ERBIN: variants seen among roughly 807,000 people sequenced by gnomAD.
The protein encoded by ERBIN is erbb2 interacting protein.
In ERBIN, 60 loss-of-function variants were observed where a neutral mutation model predicts 158.4. The ratio of observed to expected loss-of-function variants is 0.38; its 90% CI spans 0.31 to 0.47. ERBIN has a LOEUF of 0.47. ERBIN is among the 20% of genes least tolerant of loss of function. ERBIN has a pLI of 0.99. For missense variants in ERBIN, 1,610 were observed against 1,648.0 expected, an observed-to-expected ratio of 0.98 and a Z score of 0.40; for synonymous variants, 594 against 557.2, an observed-to-expected ratio of 1.07 and a Z score of -0.93.
At chr5:65,948,315 CA>C (rs1746052404) in intron 1 of ERBIN, among the ~76,000 whole-genome samples, 1 of 151,686 alleles carries the variant, frequency 6.6e-6, no homozygotes, top group African/African-American at 2.4e-5. Flanking sequence ...GCTGGGACTA[CA>C]AGTGCGGGCT....
intron 1 of ERBIN, among the ~76,000 whole-genome samples, chr5:65,955,300 T>C (rs1388747129): frequency 6.6e-6 from 1 of 152,180 alleles, no homozygotes; most frequent in Non-Finnish European, 1.5e-5. Context: ...TTGGCATTGC[T>C]TCTCAATTGC....
intron 13 of ERBIN, among the ~76,000 whole-genome samples, 160 bp downstream of exon 13, chr5:66,026,577 C>A (rs1165186797): frequency 6.6e-6 from 1 of 151,826 alleles, no homozygotes; most frequent in African/African-American, 2.4e-5. Flanking sequence ...GTGTGACTTT[C>A]AGTGAAACAA....
At chr5:65,999,319 T>C (rs990904585) in intron 4 of ERBIN, among the ~76,000 whole-genome samples, 1 of 152,188 alleles carries the variant, frequency 6.6e-6, no homozygotes. Flanking sequence ...TGAGCCGAGA[T>C]TGTGCCATTG....
chr5:66,055,202 T>C, intron 21 of ERBIN: 2 of 864,986 alleles, frequency 2.3e-6, no homozygotes, highest in Non-Finnish European at 3.0e-6. Context: ...TATGTGTCTG[T>C]CTCTTTGAGA....
chr5:65,991,323 A>AT (rs1751846261), intron 2 of ERBIN, among the ~76,000 whole-genome samples: 1 of 152,086 alleles, frequency 6.6e-6, no homozygotes, highest in Non-Finnish European at 1.5e-5. Context: ...TGATTACTGA[A>AT]TTTTTTGATA....
At chr5:66,056,415 T>A (rs1561436962) in intron 21 of ERBIN, among the ~76,000 whole-genome samples, 1 of 152,046 alleles carries the variant, frequency 6.6e-6, no homozygotes. Flanking sequence ...ATGAGTTTGG[T>A]TTTTATGTTC....
intron 4 of ERBIN, among the ~76,000 whole-genome samples, chr5:66,011,558 G>A (rs1402138789): frequency 6.6e-6 from 1 of 152,094 alleles, no homozygotes; most frequent in Non-Finnish European, 1.5e-5. Flanking sequence ...ATGGTGGCGG[G>A]CGCCTGTAAT....
chr5:66,011,352 A>G (rs1754176326), intron 4 of ERBIN, among the ~76,000 whole-genome samples: 1 of 152,096 alleles, frequency 6.6e-6, no homozygotes, highest in Non-Finnish European at 1.5e-5. Flanking sequence ...AGCTTTGCTT[A>G]TGTATATTAG....
chr5:66,072,224 C>T lies in ERBIN; in HGVS notation c.3689C>T (p.Ser1230Leu). Residue 1230 changes from serine (S) to leucine (L), a missense_variant, in exon 22 of 26, where the codon TCA becomes TTA. Physicochemically the swap from Ser to Leu is moderately radical, Grantham distance 145. This residue lies in a region of ERBIN where 1,014 missense variants were observed against 936.1 expected (regional missense o/e 1.08). Coordinates refer to ENST00000284037, the MANE Select transcript of ERBIN (RefSeq NM_001253697.2). ...GDPCQDGIFI[S>L]GQQNYSSATL... Reference sequence around the variant, plus strand: ...CCTTGTCAAGATGGTATATTCATTTCAGGACAGCAGAACTACTCATCAGCC... The same window carrying T: ...CCTTGTCAAGATGGTATATTCATTTTAGGACAGCAGAACTACTCATCAGCC... 6.4e-7 allele frequency: 1 copy of T among 1,550,426 alleles called. No individual in the cohort carries two copies. Among genetic ancestry groups the T allele is most frequent in the South Asian group, 1.2e-5 (1 of 84,054 alleles).
At chr5:66,035,422 T>G (rs1757302408) in intron 14 of ERBIN, among the ~76,000 whole-genome samples, 1 of 152,210 alleles carries the variant, frequency 6.6e-6, no homozygotes, top group Non-Finnish European at 1.5e-5. Flanking sequence ...ATGCAACCCT[T>G]AACTACTGTT....
chr5:65,962,938 A>G (rs1051982348), intron 1 of ERBIN, among the ~76,000 whole-genome samples: 1 of 152,132 alleles, frequency 6.6e-6, no homozygotes, highest in African/African-American at 2.4e-5. Flanking sequence ...TGTTCATAGG[A>G]TATTAACTTT....
chr5:65,955,277 A>AT (rs981833252), intron 1 of ERBIN, among the ~76,000 whole-genome samples: 11 of 152,050 alleles, frequency 7.2e-5, no homozygotes, highest in African/African-American at 2.2e-4. Context: ...GAAACACTGA[A>AT]TTTTTTTAGC....
rs1755164938 is a variant in ERBIN at position 66,018,513 on chromosome 5, T to TTATAA, written c.534-2805_534-2804insATATA. Among the ~76,000 whole-genome samples, 27 of 8,696 alleles carry TTATAA rather than the reference T, an allele frequency of 3.1e-3. 3 individuals carry two copies. The highest frequency in any genetic ancestry group is 8.6e-3 in the East Asian group (5 of 582). The allele number at this position is 8,696 out of a possible 152,430, so 5.7% of individuals were successfully genotyped here. A position where few individuals can be genotyped will look rare whatever the true frequency, so the allele number is the denominator to read the frequency against. On this transcript the variant is annotated intron_variant, in intron 7 of 25. Transcript: ENST00000284037. ...TATATTATATAATATATATTATATA[T>TTATAA]TATATAATATATATTATATTATATA...
rs191247924 is a variant in ERBIN at position 65,942,474 on chromosome 5, C to T, written c.-58+15668C>T. ...GGTTTTCCATCTTCTCTTTGGCGGA[C>T]GCCAGTTTGTTATAGATGATTATTT... On this transcript the variant is annotated intron_variant, in intron 1 of 25. Transcript: ENST00000284037. Among the ~76,000 whole-genome samples, 5 of 152,244 alleles carry T rather than the reference C, an allele frequency of 3.3e-5. No homozygotes were observed. In the East Asian group the frequency reaches 5.8e-4, roughly 18 times the overall value.
chr5:65,992,227 G>T (rs758298913), intron 2 of ERBIN, among the ~76,000 whole-genome samples: 1 of 152,018 alleles, frequency 6.6e-6, no homozygotes, highest in Admixed American at 6.6e-5. Flanking sequence ...TCGGCTCACT[G>T]CAAGCTCCAC....
chr5:65,963,781 T>C (rs1424684057), intron 1 of ERBIN, among the ~76,000 whole-genome samples: 1 of 134,440 alleles, frequency 7.4e-6, no homozygotes, highest in Non-Finnish European at 1.6e-5. Context: ...TATGACTATT[T>C]TCTTTCTTTT....
Position 66,054,184 on chromosome 5 carries a change from A to G in ERBIN, c.2866A>G (p.Asn956Asp). 1 of 1,614,142 alleles carries G rather than the reference A, an allele frequency of 6.2e-7. No individual in the cohort carries two copies. Among genetic ancestry groups the G allele is most frequent in the Non-Finnish European group, 8.5e-7 (1 of 1,180,028 alleles). ...TTCAAATCATAATCCCGAAGAGCCA[A>G]ATATAATAAGAGGCCCCACAAGTGG... ...FDSNHNPEEP[N>D]IIRGPTSGPQ... is the part of the protein sequence containing the mutation. The change falls in exon 21 of 26, where the codon AAT (asparagine) becomes GAT (aspartate). Residue 956 changes from asparagine (N) to aspartate (D), a missense_variant. By Grantham distance (23) the Asn-to-Asp change is conservative. This residue lies in a region of ERBIN where 1,014 missense variants were observed against 936.1 expected (regional missense o/e 1.08). Coordinates refer to ENST00000284037, the MANE Select transcript of ERBIN (RefSeq NM_001253697.2).
chr5:66,035,323 T>G (rs566443763), intron 14 of ERBIN, among the ~76,000 whole-genome samples: 2 of 152,296 alleles, frequency 1.3e-5, no homozygotes, highest in Admixed American at 1.3e-4. Flanking sequence ...AAATTGAGTA[T>G]ACCACGTTCT....
At chr5:66,064,517 T>C (rs1760791210) in intron 21 of ERBIN, among the ~76,000 whole-genome samples, 2 of 152,176 alleles carry the variant, frequency 1.3e-5, no homozygotes, top group Non-Finnish European at 2.9e-5. Context: ...CCCAGGATGA[T>C]ATGTGTTACG....
Sources: gnomAD v4.1 joint callset for allele counts (sites outside exome capture counted in the v4.1 genomes callset) on GRCh38, gnomAD v4.1.1 for gene constraint, gnomAD v4.1.1 regional missense constraint, MANE v1.5 for transcripts, NCBI Gene and HGNC (gene_info 2026-07-23, HGNC 2026-07-21) for gene names.